Variants in PIP4K2A observed in about 807,000 individuals in gnomAD.
The protein encoded by PIP4K2A is phosphatidylinositol 5-phosphate 4-kinase type-2 alpha.
A neutral mutation model predicts 42.9 loss-of-function variants in PIP4K2A; 14 were observed. That is an observed-to-expected ratio of 0.33 (90% CI 0.22 to 0.51). PIP4K2A has a LOEUF of 0.51. Ranked by LOEUF, PIP4K2A falls within the 20% of genes least tolerant of loss-of-function variation. The pLI is 0.97. For synonymous variants in PIP4K2A, 192 were observed against 192.2 expected (o/e 1.00, Z 0.01); for missense variants, 434 against 519.8 (o/e 0.83, Z 1.61).
chr10:22,591,898 T>A, intron 3 of PIP4K2A, 117 bp from the exon 4 acceptor site: 1 of 840,020 alleles, frequency 1.2e-6, no homozygotes, highest in Non-Finnish European at 1.8e-6. Flanking sequence ...CATTTGTGTG[T>A]GGGATAAATT....
chr10:22,538,910 ATTTCTAT>A (rs1286159520), intron 9 of PIP4K2A, among the ~76,000 whole-genome samples: 1 of 152,188 alleles, frequency 6.6e-6, no homozygotes, highest in African/African-American at 2.4e-5. Context: ...TGTTAGGCTG[ATTTCTAT>A]TTTAAAATAG....
intron 1 of PIP4K2A, among the ~76,000 whole-genome samples, chr10:22,650,836 GT>G (rs34493886): frequency 3.2e-4 from 21 of 66,210 alleles, no homozygotes; most frequent in African/African-American, 5.5e-4. Flanking sequence ...AATCTACTGG[GT>G]TTTTTTTTTT....
chr10:22,551,365 G>C (rs1311119955), intron 6 of PIP4K2A, among the ~76,000 whole-genome samples: 1 of 152,072 alleles, frequency 6.6e-6, no homozygotes, highest in Non-Finnish European at 1.5e-5. Flanking sequence ...TTCTCATTTG[G>C]ACAATATCAA....
chr10:22,671,264 A>C (rs1839443642), intron 1 of PIP4K2A, among the ~76,000 whole-genome samples: 1 of 152,232 alleles, frequency 6.6e-6, no homozygotes, highest in Admixed American at 6.5e-5. Flanking sequence ...CATTATAGAA[A>C]GAAATATGAA....
At chr10:22,598,306 C>T (rs1215422109) in intron 3 of PIP4K2A, among the ~76,000 whole-genome samples, 2 of 152,084 alleles carry the variant, frequency 1.3e-5, no homozygotes, top group African/African-American at 4.8e-5. Flanking sequence ...TGCAGCGAGC[C>T]ATGATTGTAC....
At position 22,566,825 on chromosome 10, in the gene PIP4K2A, A is replaced by C. The variant is rs542822746; in HGVS notation, c.678+1026T>G. ...CAGGCGCCCTTGCTATGTGCTCTAG[A>C]GCTCCCTGAGTGTCCTGTCCAAGTG... On this transcript the variant is annotated intron_variant, in intron 6 of 9. Coordinates refer to ENST00000376573, the MANE Select transcript of PIP4K2A (RefSeq NM_005028.5). Among the ~76,000 whole-genome samples, 6 of 152,194 alleles carry C rather than the reference A, an allele frequency of 3.9e-5. No individual in the cohort carries two copies. In the East Asian group the frequency reaches 7.7e-4, roughly 20 times the overall value.
chr10:22,639,452 AG>A (rs990393770), intron 1 of PIP4K2A, among the ~76,000 whole-genome samples: 3 of 151,406 alleles, frequency 2.0e-5, no homozygotes, highest in Non-Finnish European at 4.4e-5. Context: ...TAGGATTAAG[AG>A]GTTTTTTTTT....
chr10:22,569,181 G>T, intron 5 of PIP4K2A: 1 of 719,248 alleles, frequency 1.4e-6, no homozygotes, highest in Non-Finnish European at 2.4e-6. Context: ...CATTGGGGAA[G>T]GGAGCCAAGA....
chr10:22,557,136 G>A (rs1836574410), intron 6 of PIP4K2A, among the ~76,000 whole-genome samples: 1 of 152,090 alleles, frequency 6.6e-6, no homozygotes, highest in Non-Finnish European at 1.5e-5. Context: ...ATTTGGCCAG[G>A]GGGTTGGGAT....
intron 1 of PIP4K2A, among the ~76,000 whole-genome samples, chr10:22,621,306 A>C (rs1395771516): frequency 6.6e-6 from 1 of 152,234 alleles, no homozygotes; most frequent in East Asian, 1.9e-4. Flanking sequence ...ATGGATGTCA[A>C]ATAAGAACTT....
chr10:22,670,079 C>A (rs1158249494), intron 1 of PIP4K2A, among the ~76,000 whole-genome samples: 1 of 152,146 alleles, frequency 6.6e-6, no homozygotes, highest in Admixed American at 6.5e-5. Context: ...CTCATTCTGA[C>A]AACTAAAAAG....
intron 1 of PIP4K2A, among the ~76,000 whole-genome samples, chr10:22,654,387 G>A (rs185980544): frequency 5.9e-5 from 9 of 152,206 alleles, no homozygotes; most frequent in East Asian, 1.9e-4. Context: ...AAAAAAAGAC[G>A]TGTAAAAATA....
intron 3 of PIP4K2A, among the ~76,000 whole-genome samples, chr10:22,605,463 A>T (rs756296228): frequency 3.3e-5 from 5 of 152,246 alleles, no homozygotes; most frequent in Admixed American, 6.5e-5. Context: ...AAAAAAGGGA[A>T]GGAAAACCAG....
intron 4 of PIP4K2A, among the ~76,000 whole-genome samples, chr10:22,582,891 T>G (rs1421994306): frequency 8.4e-6 from 1 of 118,682 alleles, no homozygotes; most frequent in Non-Finnish European, 1.8e-5. Flanking sequence ...CGTCTTGAAG[T>G]AAAAAAAAAA....
intron 1 of PIP4K2A, among the ~76,000 whole-genome samples, chr10:22,673,004 C>T (rs895007374): frequency 1.3e-5 from 2 of 152,188 alleles, no homozygotes; most frequent in Admixed American, 6.5e-5. Flanking sequence ...TTCCTGCAGC[C>T]TCATTTCCTG....
At chr10:22,538,132 T>G (rs1324523022) in intron 9 of PIP4K2A, among the ~76,000 whole-genome samples, 2 of 152,230 alleles carry the variant, frequency 1.3e-5, no homozygotes, top group African/African-American at 4.8e-5. Flanking sequence ...TAGACACCCA[T>G]GTTCACCGGG....
intron 3 of PIP4K2A, among the ~76,000 whole-genome samples, chr10:22,593,384 A>G (rs111946143): frequency 5.7e-4 from 87 of 152,388 alleles, no homozygotes; most frequent in Middle Eastern, 3.4e-3. Flanking sequence ...ATGACTTTAA[A>G]TAGCAAGACT....
At chr10:22,553,806 TTTTTTTTA>T (rs1402537851) in intron 6 of PIP4K2A, among the ~76,000 whole-genome samples, 1 of 151,420 alleles carries the variant, frequency 6.6e-6, no homozygotes, top group African/African-American at 2.4e-5. Context: ...TTTTTTTTTT[TTTTTTTTA>T]CAAAAACTTA....
At chr10:22,675,209 T>C (rs770596164) in intron 1 of PIP4K2A, among the ~76,000 whole-genome samples, 34 of 152,308 alleles carry the variant, frequency 2.2e-4, no homozygotes, top group African/African-American at 5.8e-4. Flanking sequence ...AGAGTGGAGA[T>C]AGTAGCAAGC....
Sources: allele counts gnomAD v4.1 joint callset (sites outside exome capture counted in the v4.1 genomes callset), GRCh38; gene constraint gnomAD v4.1.1; transcripts MANE v1.5; gene names NCBI Gene and HGNC (gene_info 2026-07-23, HGNC 2026-07-21).